Variants in HSPG2 observed in about 807,000 individuals in gnomAD.
HSPG2 encodes basement membrane-specific heparan sulfate proteoglycan core protein.
A neutral mutation model predicts 526.6 loss-of-function variants in HSPG2; 278 were observed. The ratio of observed to expected loss-of-function variants is 0.53; its 90% CI spans 0.48 to 0.58. The LOEUF is 0.58. Ranked by LOEUF, HSPG2 falls within the 20% of genes least tolerant of loss-of-function variation. The pLI is 0.00. For synonymous variants in HSPG2, 2,465 were observed against 2,555.4 expected, an observed-to-expected ratio of 0.96 and a Z score of 1.07; for missense variants, 5,354 against 6,099.5, an observed-to-expected ratio of 0.88 and a Z score of 4.07.
Position 21,859,497 on chromosome 1 carries a change from G to T in HSPG2, c.5293+69C>A, listed in dbSNP as rs2152729234. ...CTCCCAGCAGGTGAATGCACCATCTGCCTGAATCTGCAGCCTGCAGCCCAG... is the reference window on the plus strand; with the variant it reads ...CTCCCAGCAGGTGAATGCACCATCTTCCTGAATCTGCAGCCTGCAGCCCAG... On this transcript the variant is annotated intron_variant, in intron 42 of 96. Coordinates refer to ENST00000374695, the MANE Select transcript of HSPG2 (RefSeq NM_005529.7). The surrounding 1 kb of genome is among the most constrained non-coding windows in gnomAD (Gnocchi z 5.3). 7 of 1,225,570 alleles carry T rather than the reference G, an allele frequency of 5.7e-6. No homozygotes were observed. The East Asian group carries it at 1.3e-4, about 22-fold the overall frequency. 75.9% of individuals were successfully genotyped at this position (1,225,570 alleles called of 1,614,324 possible).
Position 21,855,832 on chromosome 1 carries a change from G to A in HSPG2, c.5656C>T (p.Arg1886Cys), listed in dbSNP as rs566129415. 3.5e-5 allele frequency: 57 copies of A among 1,613,194 alleles called. No homozygotes were observed. The highest frequency in any genetic ancestry group is 1.7e-4 in the Middle Eastern group (1 of 6,060). ...TVQPGQLAEF[R>C]CSATGSPTPT... ...GTGGGGCTCCCTGTGGCGCTGCAGC[G>A]GAACTCCGCCAGTTGCCCGGGCTGC... Residue 1886 changes from arginine to cysteine, a missense_variant, in exon 45 of 97, where the codon CGC (arginine) becomes TGC (cysteine). Transcript: ENST00000374695.
rs754332277 is a variant in HSPG2 at position 21,833,471 on chromosome 1, C to A, written c.10974G>T (p.Val3658=). 6.2e-7 allele frequency: 1 copy of A among 1,614,156 alleles called. No individual in the cohort carries two copies. ...GKVKAFAHLQ[V]PERVVPYFTQ... ...TTCTTAGGGGTGGTGTCTTACCTGG[C>A]ACCTGCAGGTGGGCAAAGGCTTTGA... The change falls in exon 79 of 97, where the codon GTG becomes GTT. Residue 3658 remains valine, a synonymous_variant. Coordinates refer to ENST00000374695, the MANE Select transcript of HSPG2 (RefSeq NM_005529.7).
chr1:21,846,103 C>G lies in HSPG2; in HGVS notation c.8464+5G>C. On this transcript the variant is annotated splice_donor_5th_base_variant and intron_variant, in intron 64 of 96. Coordinates refer to ENST00000374695, the MANE Select transcript of HSPG2 (RefSeq NM_005529.7). ...GCCTTCCCGTCCCACTGCAGGGACC[C>G]TCACCGGGGACGTGGACAGCACTTG... 6.2e-7 allele frequency: 1 copy of G among 1,612,296 alleles called. No homozygotes were observed. The highest frequency in any genetic ancestry group is 8.5e-7 in the Non-Finnish European group (1 of 1,180,024).
At chr1:21,867,118 C>T (rs1485477079) in intron 33 of HSPG2, among the ~76,000 whole-genome samples, 2 of 12,574 alleles carry the variant, frequency 1.6e-4, no homozygotes, top group East Asian at 2.3e-3. Flanking sequence ...GTTGCTCAGG[C>T]ACTTTTTTTT....
At chr1:21,843,718 C>G (rs1228195175) in intron 65 of HSPG2, among the ~76,000 whole-genome samples, 1 of 152,126 alleles carries the variant, frequency 6.6e-6, no homozygotes, top group African/African-American at 2.4e-5. Context: ...GCAATCTCGG[C>G]TCACCGCAAC....
chr1:21,847,512 A>G lies in HSPG2; in HGVS notation c.8026-20T>C, dbSNP rs1055686918. ...ATGGGTCTGGACGTGCGGATGGGGA[A>G]GGAGAGGGAGAGGGAGTGGAGGGAC... On this transcript the variant is annotated intron_variant, in intron 61 of 96. Transcript: ENST00000374695. This position sits in a 1 kb window ranked among gnomAD's most constrained non-coding sequence, Gnocchi z 4.1. 1 of 1,613,498 alleles carries G rather than the reference A, an allele frequency of 6.2e-7. No homozygotes were observed.
chr1:21,911,733 C>T (rs1047399958), intron 1 of HSPG2, among the ~76,000 whole-genome samples: 3 of 152,182 alleles, frequency 2.0e-5, no homozygotes, highest in African/African-American at 4.8e-5. Context: ...TGGTGCACAG[C>T]CCCACTGCAG....
chr1:21,909,966 C>T (rs547038478), intron 1 of HSPG2, among the ~76,000 whole-genome samples: 4 of 152,352 alleles, frequency 2.6e-5, no homozygotes, highest in South Asian at 2.1e-4. Flanking sequence ...ACGTTGCTCA[C>T]GCAGAACTTG....
chr1:21,927,130 G>A (rs1181127353), intron 1 of HSPG2, among the ~76,000 whole-genome samples: 3 of 152,184 alleles, frequency 2.0e-5, no homozygotes, highest in African/African-American at 4.8e-5. Context: ...CATCTGTGGA[G>A]TGACCCGAGG....
intron 69 of HSPG2, 37 bp downstream of exon 69, chr1:21,841,965 C>T (rs946415139): frequency 1.2e-6 from 2 of 1,610,754 alleles, no homozygotes; most frequent in East Asian, 4.5e-5. Context: ...CCCATGCCTG[C>T]CCCCAGCTTG....
intron 13 of HSPG2, among the ~76,000 whole-genome samples, chr1:21,883,414 C>A (rs1031424002): frequency 6.6e-6 from 1 of 152,172 alleles, no homozygotes; most frequent in East Asian, 1.9e-4. Context: ...ACCTCCTAGG[C>A]TCAACAGATC....
chr1:21,881,450 C>T lies in HSPG2; in HGVS notation c.1707G>A (p.Thr569=), dbSNP rs151214695. 9 of 1,613,534 alleles carry T rather than the reference C, an allele frequency of 5.6e-6. No homozygotes were observed. Among genetic ancestry groups the T allele is most frequent in the Non-Finnish European group, 5.1e-6 (6 of 1,180,012 alleles). The change falls in exon 14 of 97, where the codon ACG becomes ACA. Residue 569 remains threonine, a synonymous_variant. Transcript: ENST00000374695. ...AQPGTPPLSS[T]QLQIDPSLHE... is the part of the protein sequence containing the mutation. The stretch of plus-strand genomic sequence containing the variant: ...GCAGGGATGGGTCGATCTGCAGCTG[C>T]GTGGAGGAGAGGGGTGGCGTGCCGG...
chr1:21,879,098 C>G lies in HSPG2; in HGVS notation c.2367G>C (p.Gly789=). The G allele has an allele frequency of 1.2e-6, 2 of 1,614,238 alleles. No homozygotes were observed. The highest frequency in any genetic ancestry group is 1.1e-5 in the South Asian group (1 of 91,084). The change falls in exon 18 of 97, where the codon GGG becomes GGC. Residue 789 remains glycine, a synonymous_variant. Transcript: ENST00000374695. The part of the protein sequence containing the change: ...HCLNCQHNTE[G]PQCNKCKAGF... ...CAGCCTTGCACTTGTTGCACTGTGG[C>G]CCCTCCGTGTTGTGCTGGCAATTCT...
chr1:21,926,297 A>G (rs9426790), intron 1 of HSPG2, among the ~76,000 whole-genome samples: 142,455 of 152,246 alleles, frequency 0.94, 67,146 homozygotes, highest in South Asian at 0.99. Flanking sequence ...CTCAGGGAAC[A>G]TTGACTGGTG....
At chr1:21,923,003 G>A (rs950520624) in intron 1 of HSPG2, among the ~76,000 whole-genome samples, 2 of 150,828 alleles carry the variant, frequency 1.3e-5, no homozygotes, top group Middle Eastern at 3.4e-3. Context: ...AAAAGAGGGA[G>A]GAAAGTGAAA....
rs1400130925 is a variant in HSPG2 at position 21,823,457 on chromosome 1, C to T, written c.13035G>A (p.Gly4345=). The change falls in exon 97 of 97, where the codon GGG becomes GGA. Residue 4345 remains glycine, a synonymous_variant. Coordinates refer to ENST00000374695, the MANE Select transcript of HSPG2 (RefSeq NM_005529.7). ...CTGTGATGCCTGAGGAGAATCTGCC[C>T]CCGGTCAGCGTGGCCACGTCAGGGG... ...GGAPDVATLT[G]GRFSSGITGC... 1 of 1,595,894 alleles carries T rather than the reference C, an allele frequency of 6.3e-7. No homozygotes were observed. Among genetic ancestry groups the T allele is most frequent in the Non-Finnish European group, 8.5e-7 (1 of 1,175,496 alleles).
chr1:21,844,003 C>T (rs551727366), intron 65 of HSPG2, 145 bp downstream of exon 65: 17 of 1,095,010 alleles, frequency 1.6e-5, no homozygotes, highest in Admixed American at 4.0e-5. Context: ...GTGCCCAGCC[C>T]GCTCTCAACT....
chr1:21,854,281 G>A lies in HSPG2; in HGVS notation c.6351C>T (p.Cys2117=). 2 of 1,577,524 alleles carry A rather than the reference G, an allele frequency of 1.3e-6. No individual in the cohort carries two copies. The highest frequency in any genetic ancestry group is 1.7e-6 in the Non-Finnish European group (2 of 1,161,186). The change falls in exon 50 of 97, where the codon TGC becomes TGT. Residue 2117 remains cysteine (C), a synonymous_variant. Coordinates refer to ENST00000374695, the MANE Select transcript of HSPG2 (RefSeq NM_005529.7). ...TGGGGCCCGATCCATTCTCCACACG[G>A]CACACATATTCTCCAGAATCAGCTG... ...VSPADSGEYV[C]RVENGSGPKE...
intron 17 of HSPG2, 71 bp downstream of exon 17, chr1:21,880,036 T>C (rs1307677472): frequency 1.9e-6 from 3 of 1,566,642 alleles, no homozygotes; most frequent in African/African-American, 1.3e-5. Flanking sequence ...GCTGAGCTCA[T>C]GAACACAGGG....
Sources: gnomAD v4.1 joint callset for allele counts (sites outside exome capture counted in the v4.1 genomes callset) on GRCh38, gnomAD v4.1.1 for gene constraint, Gnocchi (gnomAD v3.1) non-coding constraint, MANE v1.5 for transcripts, NCBI Gene and HGNC (gene_info 2026-07-23, HGNC 2026-07-21) for gene names.